Variants in EGFLAM observed in about 807,000 individuals in gnomAD.
EGFLAM encodes the protein EGF like, fibronectin type III and laminin G domains, also known as pikachurin.
A neutral mutation model predicts 113.1 loss-of-function variants in EGFLAM; 79 were observed. That is an observed-to-expected ratio of 0.70 (90% CI 0.58 to 0.84). The LOEUF (loss-of-function observed/expected upper bound fraction) is 0.84, where lower values mean the gene tolerates loss of function less well. EGFLAM is among the 40% of genes least tolerant of loss of function. The pLI is 0.00. For synonymous variants in EGFLAM, 504 were observed against 487.6 expected (o/e 1.03, Z -0.44); for missense variants, 1,265 against 1,291.6 (o/e 0.98, Z 0.32).
At chr5:38,406,722 T>C in intron 7 of EGFLAM, 106 bp from the exon 8 acceptor site, 1 of 1,083,858 alleles carries the variant, frequency 9.2e-7, no homozygotes, top group Non-Finnish European at 1.3e-6. Context: ...TCCTAGGGTT[T>C]TTGGAAGTGA....
chr5:38,356,081 A>G (rs1739755339), intron 5 of EGFLAM, among the ~76,000 whole-genome samples: 2 of 152,174 alleles, frequency 1.3e-5, no homozygotes, highest in Admixed American at 6.6e-5. Context: ...TTTTAAAATT[A>G]TATGCCATTC....
At position 38,338,172 on chromosome 5, in the gene EGFLAM, C is replaced by T. The variant is rs756986690; in HGVS notation, c.208-526C>T. 6.2e-4 allele frequency among the ~76,000 whole-genome samples: 94 copies of T among 152,152 alleles called. 1 individual carries two copies. The highest frequency in any genetic ancestry group is 5.6e-4 in the Non-Finnish European group (38 of 68,034). On this transcript the variant is annotated intron_variant, in intron 2 of 21. Coordinates refer to ENST00000322350, the MANE Select transcript of EGFLAM (RefSeq NM_152403.4). ...ACATAATTGTTTGGAGTTGTGCACT[C>T]TCTGGGATATGGGGAGAGCTGGCCA...
chr5:38,433,074 A>G (rs532032111), intron 15 of EGFLAM, among the ~76,000 whole-genome samples: 1 of 152,352 alleles, frequency 6.6e-6, no homozygotes. Flanking sequence ...CCTGATCTCC[A>G]TATGCTAAAC....
At chr5:38,268,454 C>T (rs1474817739) in intron 1 of EGFLAM, among the ~76,000 whole-genome samples, 1 of 152,076 alleles carries the variant, frequency 6.6e-6, no homozygotes, top group Non-Finnish European at 1.5e-5. Context: ...GTTGCCCTAA[C>T]CCAACTATAC....
intron 1 of EGFLAM, among the ~76,000 whole-genome samples, chr5:38,278,551 C>G (rs186038207): frequency 6.6e-6 from 1 of 151,102 alleles, no homozygotes; most frequent in East Asian, 1.9e-4. Flanking sequence ...TGCAGTGGCA[C>G]GAATTCAGCT....
intron 15 of EGFLAM, among the ~76,000 whole-genome samples, chr5:38,432,284 G>T (rs1477395461): frequency 1.3e-5 from 2 of 152,132 alleles, no homozygotes; most frequent in African/African-American, 2.4e-5. Flanking sequence ...CTTTCGCTGG[G>T]GAAAGAGGTA....
intron 1 of EGFLAM, among the ~76,000 whole-genome samples, chr5:38,293,266 C>T (rs994905778): frequency 1.3e-5 from 2 of 152,176 alleles, no homozygotes; most frequent in African/African-American, 4.8e-5. Context: ...GTTCCTATGC[C>T]AGTCTCAGCT....
Position 38,409,019 on chromosome 5 carries a change from G to A in EGFLAM, c.1264G>A (p.Gly422Ser), listed in dbSNP as rs989553789. 5.0e-6 allele frequency: 8 copies of A among 1,591,784 alleles called. No individual in the cohort carries two copies. The highest frequency in any genetic ancestry group is 6.9e-6 in the Non-Finnish European group (8 of 1,167,866). ...ATAATCACAGGCGGAGGCAGAGGATGGCTTACTGCTCTACTGTGGGGAGAA... is the reference window on the plus strand; with the variant it reads ...ATAATCACAGGCGGAGGCAGAGGATAGCTTACTGCTCTACTGTGGGGAGAA... Reference protein sequence around the residue: ...TLEFRAEAEDGLLLYCGENEH... With the variant: ...TLEFRAEAEDSLLLYCGENEH... Residue 422 changes from glycine (G) to serine (S), a missense_variant, in exon 10 of 22, where the codon GGC becomes AGC. Transcript: ENST00000322350.
intron 15 of EGFLAM, among the ~76,000 whole-genome samples, chr5:38,434,188 C>T (rs1467271945): frequency 6.6e-6 from 1 of 152,196 alleles, no homozygotes; most frequent in Non-Finnish European, 1.5e-5. Context: ...ACTCACATTC[C>T]CTCTAAGCCC....
intron 6 of EGFLAM, among the ~76,000 whole-genome samples, chr5:38,372,738 G>A (rs1311413584): frequency 6.6e-6 from 1 of 152,098 alleles, no homozygotes; most frequent in African/African-American, 2.4e-5. Flanking sequence ...ACACTTCTAG[G>A]TATACACAGT....
chr5:38,418,563 G>C (rs189868705), intron 12 of EGFLAM, among the ~76,000 whole-genome samples: 1 of 152,162 alleles, frequency 6.6e-6, no homozygotes, highest in East Asian at 1.9e-4. Context: ...AGCAACAAGC[G>C]ATCCAGCCCT....
chr5:38,407,800 T>C lies in EGFLAM; in HGVS notation c.1148-5T>C. 1 of 1,601,838 alleles carries C rather than the reference T, an allele frequency of 6.2e-7. No individual in the cohort carries two copies. The highest frequency in any genetic ancestry group is 8.5e-7 in the Non-Finnish European group (1 of 1,171,898). ...TTCTTTTGTGTTGTCTTTTTTCTTC[T>C]TCAGATATTGTTATCCAGTATCCTC... On this transcript the variant is annotated splice_region_variant and splice_polypyrimidine_tract_variant and intron_variant, in intron 8 of 21. Transcript: ENST00000322350.
At chr5:38,267,629 T>A (rs1757664734) in intron 1 of EGFLAM, among the ~76,000 whole-genome samples, 1 of 152,190 alleles carries the variant, frequency 6.6e-6, no homozygotes, top group Non-Finnish European at 1.5e-5. Flanking sequence ...TGGGGGAGCT[T>A]AGTTAACACT....
At chr5:38,411,383 A>C (rs1360994404) in intron 10 of EGFLAM, among the ~76,000 whole-genome samples, 1 of 151,900 alleles carries the variant, frequency 6.6e-6, no homozygotes, top group Non-Finnish European at 1.5e-5. Context: ...AGCAGAGATC[A>C]CACCACTGGA....
chr5:38,317,626 G>C (rs1294287785), intron 1 of EGFLAM, among the ~76,000 whole-genome samples: 1 of 152,160 alleles, frequency 6.6e-6, no homozygotes, highest in African/African-American at 2.4e-5. Context: ...TGGTTGGTTT[G>C]TTTTCCATTT....
intron 1 of EGFLAM, among the ~76,000 whole-genome samples, chr5:38,318,640 T>C (rs995162354): frequency 3.1e-4 from 47 of 152,018 alleles, no homozygotes; most frequent in African/African-American, 9.4e-4. Context: ...CCCGAGTAGC[T>C]GGGATTACAG....
chr5:38,367,322 G>A (rs1313738433), intron 5 of EGFLAM, among the ~76,000 whole-genome samples: 1 of 151,008 alleles, frequency 6.6e-6, no homozygotes, highest in Non-Finnish European at 1.5e-5. Context: ...ATGTTGCCCA[G>A]GCTGGTCTTG....
chr5:38,259,230 T>C (rs1162099426), intron 1 of EGFLAM, among the ~76,000 whole-genome samples: 1 of 152,158 alleles, frequency 6.6e-6, no homozygotes, highest in African/African-American at 2.4e-5. Context: ...CAATTCATAT[T>C]GTCCAGAGCC....
chr5:38,306,673 A>G (rs1561271382), intron 1 of EGFLAM, among the ~76,000 whole-genome samples: 3 of 152,220 alleles, frequency 2.0e-5, no homozygotes, highest in Non-Finnish European at 1.5e-5. Context: ...TGTCTATTAC[A>G]TTAGTGATTC....
Sources: gnomAD v4.1 joint callset for allele counts (sites outside exome capture counted in the v4.1 genomes callset) on GRCh38, gnomAD v4.1.1 for gene constraint, MANE v1.5 for transcripts, NCBI Gene and HGNC (gene_info 2026-07-23, HGNC 2026-07-21) for gene names.